CAMKMT: variants seen among roughly 807,000 people sequenced by gnomAD.
CAMKMT encodes calmodulin-lysine N-methyltransferase.
In CAMKMT, 53 loss-of-function variants were observed where a neutral mutation model predicts 48.0. The ratio of observed to expected loss-of-function variants is 1.10; its 90% CI spans 0.89 to 1.39. CAMKMT has a LOEUF of 1.39. CAMKMT is among the 40% of genes most tolerant of loss of function. CAMKMT has a pLI of 0.00. For synonymous variants in CAMKMT, 165 were observed against 152.3 expected (o/e 1.08, Z -0.61); for missense variants, 428 against 402.7 (o/e 1.06, Z -0.54).
At chr2:44,757,147 T>C (rs1680416595) in intron 9 of CAMKMT, among the ~76,000 whole-genome samples, 1 of 152,218 alleles carries the variant, frequency 6.6e-6, no homozygotes, top group South Asian at 2.1e-4. Flanking sequence ...TCTCTTTTAT[T>C]GCTGTAGAAC....
At chr2:44,411,854 A>G (rs1415695721) in intron 3 of CAMKMT, among the ~76,000 whole-genome samples, 1 of 152,016 alleles carries the variant, frequency 6.6e-6, no homozygotes, top group Non-Finnish European at 1.5e-5. Flanking sequence ...GGGGGCTTCA[A>G]TTTCAGCTAA....
intron 8 of CAMKMT, among the ~76,000 whole-genome samples, chr2:44,749,217 A>G (rs1337875995): frequency 6.6e-6 from 1 of 152,152 alleles, no homozygotes; most frequent in Non-Finnish European, 1.5e-5. Flanking sequence ...TCAAGCAATG[A>G]CTTTTTGGAA....
intron 3 of CAMKMT, among the ~76,000 whole-genome samples, chr2:44,628,070 G>A (rs1672594754): frequency 6.6e-6 from 1 of 151,738 alleles, no homozygotes; most frequent in Non-Finnish European, 1.5e-5. Context: ...TCCCAACAGT[G>A]CAAGTAGCTG....
At chr2:44,398,335 A>G (rs963633627) in intron 3 of CAMKMT, among the ~76,000 whole-genome samples, 2 of 152,234 alleles carry the variant, frequency 1.3e-5, no homozygotes, top group Admixed American at 1.3e-4. Flanking sequence ...TTGAAGGGCT[A>G]GAAAATAACT....
intron 9 of CAMKMT, among the ~76,000 whole-genome samples, chr2:44,763,699 G>A (rs1248952955): frequency 6.6e-6 from 1 of 152,166 alleles, no homozygotes; most frequent in Non-Finnish European, 1.5e-5. Flanking sequence ...GGAAGGACAG[G>A]TAAACTGAGA....
At chr2:44,590,639 T>G (rs1187357171) in intron 3 of CAMKMT, among the ~76,000 whole-genome samples, 1 of 152,218 alleles carries the variant, frequency 6.6e-6, no homozygotes, top group Non-Finnish European at 1.5e-5. Flanking sequence ...GTTCATTGTA[T>G]ATTCTGGATA....
intron 2 of CAMKMT, among the ~76,000 whole-genome samples, chr2:44,375,137 C>A (rs1558549620): frequency 1.3e-5 from 2 of 151,794 alleles, no homozygotes; most frequent in South Asian, 4.2e-4. Flanking sequence ...TTAGGGATTA[C>A]AGGCTTGAGC....
intron 3 of CAMKMT, among the ~76,000 whole-genome samples, chr2:44,650,257 C>T (rs764347763): frequency 3.3e-4 from 51 of 152,276 alleles, no homozygotes; most frequent in South Asian, 1.5e-3. Flanking sequence ...AGCTGCATCA[C>T]TCCAGTCTCC....
intron 3 of CAMKMT, among the ~76,000 whole-genome samples, chr2:44,689,340 C>G (rs1030215052): frequency 3.4e-5 from 5 of 148,758 alleles, no homozygotes; most frequent in Admixed American, 2.0e-4. Context: ...GCTCTGTTGC[C>G]CAGGCTGGAG....
intron 10 of CAMKMT, among the ~76,000 whole-genome samples, chr2:44,768,670 C>T (rs1020974460): frequency 3.3e-5 from 5 of 152,160 alleles, no homozygotes; most frequent in Non-Finnish European, 7.4e-5. Context: ...CCTGCCCGCC[C>T]GCCCGGGGCT....
chr2:44,715,694 G>GT (rs1380730632), intron 7 of CAMKMT, among the ~76,000 whole-genome samples: 1 of 152,190 alleles, frequency 6.6e-6, no homozygotes, highest in Non-Finnish European at 1.5e-5. Flanking sequence ...CCTAGGAGCA[G>GT]TTTTGCCCCC....
At position 44,488,843 on chromosome 2, in the gene CAMKMT, T is replaced by TTGTGTGTGTGTG. The variant is rs142299931; in HGVS notation, c.376+98562_376+98573dup. 8.9e-3 allele frequency among the ~76,000 whole-genome samples: 1,269 copies of TTGTGTGTGTGTG among 142,028 alleles called. 17 individuals carry two copies. The highest frequency in any genetic ancestry group is 0.025 in the African/African-American group (956 of 38,460). 93.2% of individuals were successfully genotyped at this position (142,028 alleles called of 152,430 possible). ...AAAAATTAGAAAAGCCTTAGGGTATTTGTGTGTGTGTGTGTGTGTGTGTGT... is the reference window on the plus strand; with the variant it reads ...AAAAATTAGAAAAGCCTTAGGGTATTTGTGTGTGTGTGTGTGTGTGTGTGTGTGTGTGTGTGT... On this transcript the variant is annotated intron_variant, in intron 3 of 10. Transcript: ENST00000378494.
intron 3 of CAMKMT, among the ~76,000 whole-genome samples, chr2:44,538,023 C>T (rs1308120418): frequency 1.3e-5 from 2 of 152,110 alleles, no homozygotes; most frequent in Non-Finnish European, 2.9e-5. Flanking sequence ...CAGCACAGTT[C>T]CAAATTGCAA....
intron 3 of CAMKMT, among the ~76,000 whole-genome samples, chr2:44,510,684 G>C (rs889653424): frequency 6.6e-6 from 1 of 152,056 alleles, no homozygotes; most frequent in Non-Finnish European, 1.5e-5. Context: ...AGTTTTCGGG[G>C]TACAGATGGT....
At chr2:44,439,548 G>A (rs1666505320) in intron 3 of CAMKMT, among the ~76,000 whole-genome samples, 1 of 151,946 alleles carries the variant, frequency 6.6e-6, no homozygotes. Flanking sequence ...TTCAAGAAAT[G>A]CCAATATGGG....
Position 44,547,444 on chromosome 2 carries a change from C to G in CAMKMT, c.377-156839C>G, listed in dbSNP as rs78346361. Among the ~76,000 whole-genome samples, 365 of 152,122 alleles carry G rather than the reference C, an allele frequency of 2.4e-3. 1 individual carries two copies. Among genetic ancestry groups the G allele is most frequent in the African/African-American group, 8.5e-3 (353 of 41,508 alleles). ...CCGAGGCAGGAGGATCACCTGAGACCGGGAACTTGAGGCTGTAGTGCACCA... is the reference window on the plus strand; with the variant it reads ...CCGAGGCAGGAGGATCACCTGAGACGGGGAACTTGAGGCTGTAGTGCACCA... On this transcript the variant is annotated intron_variant, in intron 3 of 10. Coordinates refer to ENST00000378494, the MANE Select transcript of CAMKMT (RefSeq NM_024766.5).
At chr2:44,537,817 T>A (rs10865202) in intron 3 of CAMKMT, among the ~76,000 whole-genome samples, 1 of 151,998 alleles carries the variant, frequency 6.6e-6, no homozygotes, top group Non-Finnish European at 1.5e-5. Flanking sequence ...CCTGCCTTGG[T>A]CTCCCAAAGT....
intron 3 of CAMKMT, among the ~76,000 whole-genome samples, chr2:44,543,889 CAAAGTTAATGTAGG>C (rs1667258872): frequency 1.3e-5 from 2 of 152,156 alleles, no homozygotes; most frequent in South Asian, 4.2e-4. Flanking sequence ...TTTAGAAAAT[CAAAGTTAATGTAGG>C]ATAACCTGGT....
At chr2:44,683,770 C>G (rs1373318454) in intron 3 of CAMKMT, among the ~76,000 whole-genome samples, 5 of 132,978 alleles carry the variant, frequency 3.8e-5, no homozygotes, top group African/African-American at 1.5e-4. Context: ...TTGCAGTGAG[C>G]CGAGATCGCG....
Sources: gnomAD v4.1 joint callset for allele counts (sites outside exome capture counted in the v4.1 genomes callset) on GRCh38, gnomAD v4.1.1 for gene constraint, MANE v1.5 for transcripts, NCBI Gene and HGNC (gene_info 2026-07-23, HGNC 2026-07-21) for gene names.